SIDT1: variants seen among roughly 807,000 people sequenced by gnomAD.
SIDT1 encodes SID1 transmembrane family member 1.
A neutral mutation model predicts 107.5 loss-of-function variants in SIDT1; 101 were observed. The observed-to-expected ratio is 0.94, with a 90% CI of 0.80 to 1.11. The LOEUF (loss-of-function observed/expected upper bound fraction) is 1.11. Among genes scored for constraint, SIDT1 ranks in the 50% least tolerant of loss-of-function variants. The probability of loss-of-function intolerance (pLI) is 0.00; values close to 1 mark genes in which losing one functional copy is unlikely to be tolerated. For missense variants in SIDT1, 1,076 were observed against 1,058.2 expected (o/e 1.02, Z -0.23); for synonymous variants, 395 against 398.2 (o/e 0.99, Z 0.10).
At chr3:113,604,327 C>G (rs1945171435) in intron 13 of SIDT1, among the ~76,000 whole-genome samples, 1 of 152,168 alleles carries the variant, frequency 6.6e-6, no homozygotes, top group Admixed American at 6.5e-5. Context: ...GGAGGATGCC[C>G]TTTTACTTGC....
intron 1 of SIDT1, among the ~76,000 whole-genome samples, chr3:113,558,371 T>G (rs1470517782): frequency 6.6e-6 from 1 of 152,208 alleles, no homozygotes; most frequent in Non-Finnish European, 1.5e-5. Flanking sequence ...CTGATCCTCT[T>G]CCTCCATCCC....
At chr3:113,618,991 A>G (rs1946285512) in intron 20 of SIDT1, among the ~76,000 whole-genome samples, 1 of 152,038 alleles carries the variant, frequency 6.6e-6, no homozygotes, top group Non-Finnish European at 1.5e-5. Flanking sequence ...CACCTGGCCA[A>G]TTTTTGTATT....
intron 19 of SIDT1, among the ~76,000 whole-genome samples, chr3:113,615,439 C>T (rs1946035499): frequency 6.6e-6 from 1 of 152,206 alleles, no homozygotes; most frequent in Non-Finnish European, 1.5e-5. Context: ...AGAAACACAG[C>T]CCGTCTTTGA....
chr3:113,616,290 C>T (rs1016032124), intron 20 of SIDT1, 114 bp downstream of exon 20: 32 of 789,286 alleles, frequency 4.1e-5, no homozygotes, highest in Non-Finnish European at 6.6e-6. Context: ...GCCAGATGGC[C>T]CAGGGTGGCT....
intron 1 of SIDT1, among the ~76,000 whole-genome samples, chr3:113,535,540 A>T (rs1938047549): frequency 6.6e-6 from 1 of 152,248 alleles, no homozygotes; most frequent in South Asian, 2.1e-4. Flanking sequence ...GTGTGTGTTA[A>T]CATGTCCTTT....
At chr3:113,589,444 T>C (rs950696493) in intron 9 of SIDT1, among the ~76,000 whole-genome samples, 1 of 152,126 alleles carries the variant, frequency 6.6e-6, no homozygotes, top group Admixed American at 6.6e-5. Flanking sequence ...TTCCAGTCAA[T>C]TGTTAACTAA....
At chr3:113,635,136 G>T in the SIDT1 span, among the ~76,000 whole-genome samples, 18 of 152,234 alleles carry the variant, frequency 1.2e-4, no homozygotes, top group Non-Finnish European at 2.1e-4. Flanking sequence ...GGAGCCTGTT[G>T]TTTCAAAAAC....
At chr3:113,622,096 G>C (rs1047262069) in intron 21 of SIDT1, among the ~76,000 whole-genome samples, 1 of 152,076 alleles carries the variant, frequency 6.6e-6, no homozygotes, top group Non-Finnish European at 1.5e-5. Flanking sequence ...CAGTGAATCC[G>C]AATGGAGGAC....
chr3:113,608,364 C>A, intron 16 of SIDT1, 55 bp from the exon 17 acceptor site: 1 of 1,530,352 alleles, frequency 6.5e-7, no homozygotes, highest in Non-Finnish European at 9.0e-7. Context: ...AGATTAGTGA[C>A]TTGGTGGATA....
intron 13 of SIDT1, 57 bp from the exon 14 acceptor site, chr3:113,604,853 C>A: frequency 6.3e-7 from 1 of 1,587,000 alleles, no homozygotes; most frequent in Non-Finnish European, 8.6e-7. Context: ...AAATATTAAC[C>A]AAAGACTCCA....
chr3:113,533,060 G>GC lies in SIDT1; in HGVS notation c.42dup (p.Trp15LeufsTer73). 1 of 1,477,456 alleles carries GC rather than the reference G, an allele frequency of 6.8e-7. No homozygotes were observed. Among genetic ancestry groups the GC allele is most frequent in the South Asian group, 1.3e-5 (1 of 74,160 alleles). The allele number at this position is 1,477,456 out of a possible 1,614,324, so 91.5% of individuals were successfully genotyped here. A position where few individuals can be genotyped will look rare whatever the true frequency, so the allele number is the denominator to read the frequency against. ...TGCGGCTCGCGCTGCTCTGCGCGCT[G>GC]CCCTGGCTCCTGCTGGCGGCGTCGC... On this transcript the variant is annotated frameshift_variant, in exon 1 of 25. Transcript: ENST00000264852. LOFTEE classifies it high-confidence loss of function.
At chr3:113,575,312 C>A (rs546251370) in intron 3 of SIDT1, among the ~76,000 whole-genome samples, 14 of 152,270 alleles carry the variant, frequency 9.2e-5, no homozygotes, top group Non-Finnish European at 1.9e-4. Flanking sequence ...ATGTCGCCAG[C>A]CAAGAAAATC....
At chr3:113,617,062 T>C (rs561439790) in intron 20 of SIDT1, among the ~76,000 whole-genome samples, 1 of 152,304 alleles carries the variant, frequency 6.6e-6, no homozygotes, top group Non-Finnish European at 1.5e-5. Flanking sequence ...ATCAAGACAG[T>C]GTACCCTTAT....
chr3:113,619,194 A>G (rs1946299172), intron 20 of SIDT1, among the ~76,000 whole-genome samples: 1 of 152,194 alleles, frequency 6.6e-6, no homozygotes, highest in African/African-American at 2.4e-5. Flanking sequence ...TAGACACAGG[A>G]ACCTGTGAGT....
chr3:113,553,741 C>G (rs1452382818), intron 1 of SIDT1, among the ~76,000 whole-genome samples: 1 of 152,104 alleles, frequency 6.6e-6, no homozygotes, highest in East Asian at 1.9e-4. Context: ...AGAGGGAGGT[C>G]AGTGGGACTG....
At chr3:113,548,581 C>G (rs1939858281) in intron 1 of SIDT1, among the ~76,000 whole-genome samples, 1 of 152,100 alleles carries the variant, frequency 6.6e-6, no homozygotes, top group Non-Finnish European at 1.5e-5. Flanking sequence ...AAGAAGGTCA[C>G]TCTGACCTTC....
At chr3:113,598,738 T>C (rs140167463) in intron 10 of SIDT1, among the ~76,000 whole-genome samples, 2 of 152,308 alleles carry the variant, frequency 1.3e-5, no homozygotes, top group African/African-American at 2.4e-5. Flanking sequence ...ATTCTCAGCA[T>C]TTTGTGATTT....
intron 4 of SIDT1, among the ~76,000 whole-genome samples, chr3:113,578,663 C>G: frequency 6.6e-6 from 1 of 151,850 alleles, no homozygotes; most frequent in Non-Finnish European, 1.5e-5. Flanking sequence ...GCCTGGGCAA[C>G]ATAGCAAGAC....
In SIDT1 at chr3:113,629,024, G is replaced by A. The variant is rs1947024319; in HGVS notation, c.*1316G>A. On this transcript the variant is annotated 3_prime_UTR_variant, in exon 25 of 25. Transcript: ENST00000264852. ...TGTTGCCTGGAGTATGACGTAATCA[G>A]AAAATAGACGTATAAATGTGCACAT... 1 of 152,160 alleles carries A rather than the reference G, an allele frequency of 6.6e-6. No homozygotes were observed. The highest frequency in any genetic ancestry group is 2.4e-5 in the African/African-American group (1 of 41,426). 9.4% of individuals were successfully genotyped at this position (152,160 alleles called of 1,614,324 possible).
Sources: gnomAD v4.1 joint callset for allele counts (sites outside exome capture counted in the v4.1 genomes callset) on GRCh38, gnomAD v4.1.1 for gene constraint, MANE v1.5 for transcripts, NCBI Gene and HGNC (gene_info 2026-07-23, HGNC 2026-07-21) for gene names.